The following DGKB variants were observed in gnomAD, a reference collection of about 807,000 sequenced individuals.
The protein encoded by DGKB is 90 kDa diacylglycerol kinase.
Under a neutral mutation model 114.3 loss-of-function variants are expected in DGKB, and 67 were observed. The observed-to-expected ratio is 0.59, with a 90% confidence interval of 0.48 to 0.72. The LOEUF is 0.72. DGKB is among the 30% of genes least tolerant of loss of function. The probability of loss-of-function intolerance (pLI) is 0.00; values close to 1 mark genes in which losing one functional copy is unlikely to be tolerated. For missense variants in DGKB, 907 were observed against 975.2 expected (o/e 0.93, Z 0.93); for synonymous variants, 398 against 323.1 (o/e 1.23, Z -2.49).
intron 2 of DGKB, among the ~76,000 whole-genome samples, chr7:14,817,084 A>G (rs1844261095): frequency 6.6e-6 from 1 of 152,314 alleles, no homozygotes; most frequent in East Asian, 1.9e-4. Flanking sequence ...TCTACACTAT[A>G]TTATATAAGG....
intron 5 of DGKB, among the ~76,000 whole-genome samples, 196 bp downstream of exon 5, chr7:14,735,845 A>G (rs1000624848): frequency 1.3e-5 from 2 of 152,218 alleles, no homozygotes; most frequent in African/African-American, 4.8e-5. Context: ...ATAGATAAGG[A>G]TAAATTATAT....
chr7:14,810,831 A>T (rs1843340599), intron 2 of DGKB, among the ~76,000 whole-genome samples: 1 of 151,908 alleles, frequency 6.6e-6, no homozygotes, highest in South Asian at 2.1e-4. Flanking sequence ...CTGATTTCGA[A>T]CTCCTGGACT....
intron 1 of DGKB, among the ~76,000 whole-genome samples, chr7:14,909,743 T>C (rs532401693): frequency 7.9e-5 from 12 of 152,304 alleles, no homozygotes; most frequent in Admixed American, 5.9e-4. Context: ...TTGTCTTGGG[T>C]GATTTATCTA....
At chr7:14,245,693 C>T (rs1794370853) in intron 23 of DGKB, among the ~76,000 whole-genome samples, 1 of 152,092 alleles carries the variant, frequency 6.6e-6, no homozygotes, top group Admixed American at 6.5e-5. Flanking sequence ...TTTGGGAGGC[C>T]GAGGTGAGTG....
chr7:14,572,859 T>C (rs946635271), intron 20 of DGKB, among the ~76,000 whole-genome samples: 5 of 152,322 alleles, frequency 3.3e-5, no homozygotes, highest in Admixed American at 2.6e-4. Context: ...GTTTTTGGGG[T>C]ACAGTGGTAT....
chr7:14,570,760 G>A (rs909569767), intron 20 of DGKB, among the ~76,000 whole-genome samples: 4 of 151,984 alleles, frequency 2.6e-5, no homozygotes, highest in African/African-American at 4.8e-5. Flanking sequence ...TCTCCCAGAG[G>A]TGGCAGAGGC....
At chr7:14,814,583 G>T (rs973659919) in intron 2 of DGKB, among the ~76,000 whole-genome samples, 7 of 151,996 alleles carry the variant, frequency 4.6e-5, no homozygotes, top group African/African-American at 1.7e-4. Flanking sequence ...AAATGTTTGG[G>T]TATTGGTATC....
At chr7:14,630,358 G>T (rs1187579484) in intron 13 of DGKB, 90 bp from the exon 14 acceptor site, 4 of 804,660 alleles carry the variant, frequency 5.0e-6, no homozygotes, top group Non-Finnish European at 7.5e-6. Flanking sequence ...ACATGCCTGT[G>T]AAATAAATGA....
intron 20 of DGKB, among the ~76,000 whole-genome samples, chr7:14,542,635 A>T (rs17168248): frequency 0.024 from 3,675 of 152,220 alleles, 162 homozygotes; most frequent in African/African-American, 0.082. Context: ...TCAGACATTC[A>T]AACGTTAAGT....
At chr7:14,480,821 A>G (rs574125443) in intron 20 of DGKB, among the ~76,000 whole-genome samples, 1 of 152,224 alleles carries the variant, frequency 6.6e-6, no homozygotes, top group Admixed American at 6.6e-5. Flanking sequence ...GTGGAGATTT[A>G]ATATCATTCT....
At chr7:14,611,465 A>G (rs1003644610) in intron 16 of DGKB, among the ~76,000 whole-genome samples, 3 of 152,166 alleles carry the variant, frequency 2.0e-5, no homozygotes, top group Admixed American at 1.3e-4. Flanking sequence ...AAGCCAAAAA[A>G]TTTGGAAAGG....
Position 14,682,800 on chromosome 7 carries a change from G to T in DGKB, c.871C>A (p.Pro291Thr), listed in dbSNP as rs986959246. Residue 291 changes from proline to threonine, a missense_variant, in exon 11 of 26, where the codon CCT (proline) becomes ACT (threonine). Pro to Thr is a conservative substitution (Grantham distance 38). Transcript: ENST00000402815. Reference protein sequence around the residue: ...TVHERCVARAPPSCIKTYVKS... With the variant: ...TVHERCVARATPSCIKTYVKS... ...ACATAGGTCTTGATGCAAGAGGGAG[G>T]TGCTCGAGCCACACAGCGCTCATGG... 3.1e-6 allele frequency: 5 copies of T among 1,605,690 alleles called. No homozygotes were observed. Among genetic ancestry groups the T allele is most frequent in the Non-Finnish European group, 4.3e-6 (5 of 1,175,804 alleles).
At chr7:14,549,298 AG>A (rs1794769010) in intron 20 of DGKB, among the ~76,000 whole-genome samples, 1 of 152,164 alleles carries the variant, frequency 6.6e-6, no homozygotes, top group Non-Finnish European at 1.5e-5. Context: ...GGCATGTGAT[AG>A]GGGTACAAGT....
intron 23 of DGKB, among the ~76,000 whole-genome samples, chr7:14,216,307 A>C (rs1442224731): frequency 1.3e-5 from 2 of 152,180 alleles, no homozygotes; most frequent in African/African-American, 4.8e-5. Context: ...CTCAACTCTC[A>C]GCCATGTCTA....
At chr7:14,523,540 A>T (rs182920103) in intron 20 of DGKB, among the ~76,000 whole-genome samples, 131 of 152,320 alleles carry the variant, frequency 8.6e-4, no homozygotes, top group African/African-American at 3.0e-3. Flanking sequence ...ATTTGTGCTA[A>T]AATTATACTC....
chr7:14,778,377 G>C (rs190283674), intron 2 of DGKB, among the ~76,000 whole-genome samples: 3 of 151,870 alleles, frequency 2.0e-5, no homozygotes, highest in African/African-American at 7.3e-5. Context: ...ATAGAACCTA[G>C]TGCATAAACT....
intron 23 of DGKB, among the ~76,000 whole-genome samples, chr7:14,299,705 G>A (rs1803175842): frequency 6.6e-6 from 1 of 152,012 alleles, no homozygotes; most frequent in South Asian, 2.1e-4. Flanking sequence ...AAGAGGTTTT[G>A]GAAGAAAGGG....
intron 2 of DGKB, among the ~76,000 whole-genome samples, chr7:14,795,359 A>G (rs1163768330): frequency 6.6e-6 from 1 of 152,224 alleles, no homozygotes; most frequent in African/African-American, 2.4e-5. Context: ...GTAGTCCGGC[A>G]TGAGAAAGTT....
At chr7:14,446,169 T>C (rs196763) in intron 21 of DGKB, among the ~76,000 whole-genome samples, 3,556 of 152,166 alleles carry the variant, frequency 0.023, 139 homozygotes, top group Admixed American at 0.092. Flanking sequence ...CAATTTGTCC[T>C]CTAAAAGACT....
Sources: gnomAD v4.1 joint callset for allele counts (sites outside exome capture counted in the v4.1 genomes callset) on GRCh38, gnomAD v4.1.1 for gene constraint, MANE v1.5 for transcripts, NCBI Gene and HGNC (gene_info 2026-07-23, HGNC 2026-07-21) for gene names.